ATP2C1: variants seen among roughly 807,000 people sequenced by gnomAD.
ATP2C1 encodes calcium-transporting ATPase type 2C member 1.
A neutral mutation model predicts 120.5 loss-of-function variants in ATP2C1; 31 were observed. The observed-to-expected ratio is 0.26, with a 90% CI of 0.19 to 0.35. The LOEUF (loss-of-function observed/expected upper bound fraction) is 0.35, where lower values mean the gene tolerates loss of function less well. Ranked by LOEUF, ATP2C1 falls within the 10% of genes least tolerant of loss-of-function variation. The pLI is 1.00. For missense variants in ATP2C1, 731 were observed against 1,107.5 expected (o/e 0.66, Z 4.83); for synonymous variants, 351 against 358.7 (o/e 0.98, Z 0.24).
intron 27 of ATP2C1, among the ~76,000 whole-genome samples, chr3:131,000,860 C>T (rs2760265): frequency 2.8e-4 from 42 of 152,074 alleles, no homozygotes; most frequent in Non-Finnish European, 4.7e-4. Flanking sequence ...CCCAATACTT[C>T]GGGAGGCTGA....
In ATP2C1 at chr3:130,996,252, A is replaced by G. The variant is rs2062617586; in HGVS notation, c.2126+141A>G. 6 of 710,648 alleles carry G rather than the reference A, an allele frequency of 8.4e-6. No individual in the cohort carries two copies. The East Asian group carries it at 1.5e-4, about 18-fold the overall frequency. 44.0% of individuals were successfully genotyped at this position (710,648 alleles called of 1,614,324 possible). ...TGTCAGTTTTCCAAAAAGAAAATTT[A>G]TTGTATTCTGAAATTTTAAATGGCA... On this transcript the variant is annotated intron_variant, in intron 23 of 27. Transcript: ENST00000510168.
chr3:130,924,337 A>G (rs990828865), intron 2 of ATP2C1, among the ~76,000 whole-genome samples: 1 of 152,092 alleles, frequency 6.6e-6, no homozygotes, highest in Non-Finnish European at 1.5e-5. Flanking sequence ...TATGAAGCTT[A>G]GTTTTGCTGG....
At chr3:131,015,170 G>A (rs989566724) in intron 26 of ATP2C1, 1 of 700,622 alleles carries the variant, frequency 1.4e-6, no homozygotes, top group Non-Finnish European at 2.6e-6. Context: ...TTACTGCCAG[G>A]AGGCTTTTTA....
chr3:130,981,140 A>G (rs1271134501), intron 20 of ATP2C1, among the ~76,000 whole-genome samples: 2 of 152,164 alleles, frequency 1.3e-5, no homozygotes, highest in Non-Finnish European at 2.9e-5. Flanking sequence ...CACCACCACA[A>G]TCAAGATATA....
chr3:130,851,368 A>G (rs2067669522), intron 1 of ATP2C1, among the ~76,000 whole-genome samples: 1 of 152,190 alleles, frequency 6.6e-6, no homozygotes, highest in Admixed American at 6.5e-5. Context: ...AACTATAATA[A>G]CCTTAAACAG....
intron 1 of ATP2C1, among the ~76,000 whole-genome samples, chr3:130,855,473 C>A (rs2067806302): frequency 1.3e-5 from 2 of 152,014 alleles, no homozygotes; most frequent in South Asian, 2.1e-4. Context: ...GGGTTATTAT[C>A]CTTAGTAAGC....
At chr3:130,932,795 G>T (rs1489871189) in intron 4 of ATP2C1, among the ~76,000 whole-genome samples, 1 of 152,092 alleles carries the variant, frequency 6.6e-6, no homozygotes, top group Non-Finnish European at 1.5e-5. Context: ...CTTCTTTTTA[G>T]TAAATGTCTG....
intron 2 of ATP2C1, among the ~76,000 whole-genome samples, chr3:130,914,857 A>G (rs370256962): frequency 6.6e-6 from 1 of 152,194 alleles, no homozygotes; most frequent in East Asian, 1.9e-4. Flanking sequence ...CATAGATTTC[A>G]ATAGAAGAAG....
At chr3:130,941,266 CTG>C (rs1262857877) in intron 7 of ATP2C1, among the ~76,000 whole-genome samples, 3 of 79,892 alleles carry the variant, frequency 3.8e-5, no homozygotes, top group South Asian at 8.2e-4. Context: ...GTGTGTGTGT[CTG>C]TGTGTGTGCG....
At chr3:131,016,006 A>C (rs1417506646) in intron 26 of ATP2C1, 3 of 1,115,166 alleles carry the variant, frequency 2.7e-6, no homozygotes, top group Non-Finnish European at 3.9e-6. Context: ...CAGTGACTCA[A>C]AATCAATTAC....
rs147900037 is a variant in ATP2C1 at position 130,869,671 on chromosome 3, C to G, written c.108+18743C>G. Among the ~76,000 whole-genome samples, 32 of 152,336 alleles carry G rather than the reference C, an allele frequency of 2.1e-4. No individual in the cohort carries two copies. The East Asian group carries it at 4.1e-3, about 19-fold the overall frequency. On this transcript the variant is annotated intron_variant, in intron 1 of 26. Transcript: ENST00000504381. ...TGAGCGGTCTGGATACAAGACCAAACCAGGCATACCATTCCTTTAGGCCAA... is the reference window on the plus strand; with the variant it reads ...TGAGCGGTCTGGATACAAGACCAAAGCAGGCATACCATTCCTTTAGGCCAA...
At chr3:130,993,029 AT>A in intron 21 of ATP2C1, 28 bp downstream of exon 21, 21 of 1,587,732 alleles carry the variant, frequency 1.3e-5, no homozygotes, top group Non-Finnish European at 1.8e-5. Flanking sequence ...AGATTGTTTT[AT>A]TTCTGTATAC....
At chr3:130,868,306 C>T (rs2068279588) in intron 1 of ATP2C1, 4 of 136,064 alleles carry the variant, frequency 2.9e-5, no homozygotes, top group African/African-American at 8.1e-5. Flanking sequence ...GGCTCCTCTG[C>T]CTGGCCGCCC....
chr3:130,909,736 A>G (rs2058302030), intron 2 of ATP2C1, among the ~76,000 whole-genome samples: 1 of 152,182 alleles, frequency 6.6e-6, no homozygotes, highest in South Asian at 2.1e-4. Context: ...ATGCTTTTAC[A>G]GCTCTTTAAA....
chr3:130,960,410 A>G (rs1416012953), intron 12 of ATP2C1, among the ~76,000 whole-genome samples: 2 of 152,170 alleles, frequency 1.3e-5, no homozygotes, highest in African/African-American at 4.8e-5. Context: ...TGAGAGACGT[A>G]TTTTGAAACA....
chr3:130,856,250 T>C (rs2067837167), intron 1 of ATP2C1: 2 of 152,246 alleles, frequency 1.3e-5, no homozygotes, highest in Admixed American at 6.5e-5. Flanking sequence ...AATGCTAACC[T>C]CAAAGTTGCA....
At chr3:130,875,996 T>A (rs1295599385) in intron 1 of ATP2C1, among the ~76,000 whole-genome samples, 5 of 152,060 alleles carry the variant, frequency 3.3e-5, no homozygotes, top group Non-Finnish European at 5.9e-5. Flanking sequence ...TTTTGAGCTG[T>A]TGGTTTTTTT....
rs536541340 is a variant in ATP2C1 at position 130,894,182 on chromosome 3, C to T, written c.-336C>T. On this transcript the variant is annotated 5_prime_UTR_variant, in exon 1 of 28. Transcript: ENST00000510168. The surrounding 1 kb of genome is among the most constrained non-coding windows in gnomAD (Gnocchi z 4.5). Reference sequence around the variant, plus strand: ...CCGCCCGCCCTCTCTCCCTCCCTTCCTCCCTCCCGCTCGCTTCTTCTCACG... The same window carrying T: ...CCGCCCGCCCTCTCTCCCTCCCTTCTTCCCTCCCGCTCGCTTCTTCTCACG... 1.7e-5 allele frequency: 15 copies of T among 905,116 alleles called. No individual in the cohort carries two copies. In the African/African-American group the frequency reaches 2.7e-4, roughly 16 times the overall value. 56.1% of individuals were successfully genotyped at this position (905,116 alleles called of 1,614,324 possible). A position where few individuals can be genotyped will look rare whatever the true frequency, so the allele number is the denominator to read the frequency against.
At chr3:130,932,629 GTTA>G (rs1300136668) in intron 4 of ATP2C1, among the ~76,000 whole-genome samples, 3 of 152,066 alleles carry the variant, frequency 2.0e-5, no homozygotes, top group African/African-American at 7.2e-5. Flanking sequence ...GTAGATGATA[GTTA>G]TTTATATTTT....
Sources: gnomAD v4.1 joint callset for allele counts (sites outside exome capture counted in the v4.1 genomes callset) on GRCh38, gnomAD v4.1.1 for gene constraint, Gnocchi (gnomAD v3.1) non-coding constraint, MANE v1.5 for transcripts, NCBI Gene and HGNC (gene_info 2026-07-23, HGNC 2026-07-21) for gene names.